Variants in ACSL1 observed in about 807,000 individuals in gnomAD.
ACSL1 encodes the protein acyl-CoA synthetase long chain family member 1.
In ACSL1, 41 loss-of-function variants were observed where a neutral mutation model predicts 98.4. The ratio of observed to expected loss-of-function variants is 0.42; its 90% CI spans 0.32 to 0.54. ACSL1 has a LOEUF of 0.54. Among genes scored for constraint, ACSL1 ranks in the 20% least tolerant of loss-of-function variants. The probability of loss-of-function intolerance (pLI) is 0.13; values close to 1 mark genes in which losing one functional copy is unlikely to be tolerated. For synonymous variants in ACSL1, 316 were observed against 322.7 expected, an observed-to-expected ratio of 0.98 and a Z score of 0.22; for missense variants, 734 against 883.1, an observed-to-expected ratio of 0.83 and a Z score of 2.14.
intron 7 of ACSL1, among the ~76,000 whole-genome samples, chr4:184,775,603 T>G (rs1440176747): frequency 6.6e-6 from 1 of 152,142 alleles, no homozygotes; most frequent in Non-Finnish European, 1.5e-5. Flanking sequence ...GGCGCACACA[T>G]GCACAAGAGA....
At chr4:184,809,026 T>C (rs1771767422) in intron 1 of ACSL1, among the ~76,000 whole-genome samples, 1 of 152,252 alleles carries the variant, frequency 6.6e-6, no homozygotes, top group Non-Finnish European at 1.5e-5. Flanking sequence ...CACTGCCTTG[T>C]GGCTTTTTCT....
chr4:184,796,370 G>A (rs1235421874), intron 2 of ACSL1, among the ~76,000 whole-genome samples: 1 of 152,092 alleles, frequency 6.6e-6, no homozygotes, highest in African/African-American at 2.4e-5. Flanking sequence ...TGTCCCTCTA[G>A]AGAACCCTGA....
chr4:184,825,969 G>A (rs1281272802), upstream of ACSL1: 3 of 148,496 alleles, frequency 2.0e-5, no homozygotes, highest in African/African-American at 7.3e-5. This position sits in a 1 kb window ranked among gnomAD's most constrained non-coding sequence, Gnocchi z 4.7. Flanking sequence ...CCCACTCCCT[G>A]CCCCGCGCCG....
At chr4:184,819,618 C>A (rs552250774) in intron 1 of ACSL1, among the ~76,000 whole-genome samples, 5 of 152,070 alleles carry the variant, frequency 3.3e-5, no homozygotes, top group East Asian at 1.9e-4. Flanking sequence ...GACCCATTAA[C>A]CCCATGCCGC....
upstream of ACSL1, chr4:184,826,248 A>G (rs1201236797): frequency 6.6e-6 from 1 of 151,176 alleles, no homozygotes; most frequent in Admixed American, 6.6e-5. Flanking sequence ...AGTCGCCCAG[A>G]CTGCCTCGGA....
rs142664372 is a variant in ACSL1 at position 184,811,333 on chromosome 4, C to G, written c.-32-7787G>C. Reference sequence around the variant, plus strand: ...TTCACCGTGTTGGCCAGGATGGTCTCGATCTCCCGACTTTGTGATCTGCCC... The same window carrying G: ...TTCACCGTGTTGGCCAGGATGGTCTGGATCTCCCGACTTTGTGATCTGCCC... On this transcript the variant is annotated intron_variant, in intron 1 of 20. Coordinates refer to ENST00000281455, the MANE Select transcript of ACSL1 (RefSeq NM_001995.5). Among the ~76,000 whole-genome samples the G allele has an allele frequency of 7.2e-5, 11 of 151,864 alleles. No homozygotes were observed. In the South Asian group the frequency reaches 8.3e-4, roughly 11 times the overall value.
At chr4:184,770,001 C>T (rs902335631) in intron 11 of ACSL1, among the ~76,000 whole-genome samples, 2 of 152,136 alleles carry the variant, frequency 1.3e-5, no homozygotes, top group African/African-American at 2.4e-5. Context: ...TCTCACAGAA[C>T]GGAAGCCTCG....
chr4:184,786,422 A>ACACACACACACACACACG (rs1767326045), intron 3 of ACSL1, among the ~76,000 whole-genome samples: 3 of 68,134 alleles, frequency 4.4e-5, no homozygotes, highest in Admixed American at 1.9e-4. Context: ...GGCAAAGCAC[A>ACACACACACACACACACG]CACACACACA....
intron 1 of ACSL1, chr4:184,815,135 G>C (rs1373619195): frequency 4.4e-6 from 2 of 456,014 alleles, no homozygotes; most frequent in East Asian, 1.4e-4. Flanking sequence ...AGGGGAGGGA[G>C]AAAACAGTAC....
At chr4:184,776,722 C>CA (rs781155331) in intron 6 of ACSL1, 60 bp from the exon 7 acceptor site, 29 of 1,556,804 alleles carry the variant, frequency 1.9e-5, no homozygotes, top group Non-Finnish European at 2.4e-5. Flanking sequence ...TTCACTCTGT[C>CA]ATATCCAGCA....
intron 15 of ACSL1, among the ~76,000 whole-genome samples, chr4:184,764,517 G>A (rs985062917): frequency 1.7e-4 from 26 of 152,198 alleles, no homozygotes; most frequent in African/African-American, 6.0e-4. Flanking sequence ...AGCAAATAAC[G>A]AGACCCTACT....
At position 184,825,107 on chromosome 4, in the gene ACSL1, C is replaced by T. The variant is rs921764696; in HGVS notation, c.-33+809G>A. Reference sequence around the variant, plus strand: ...TTTAGAATGGTCACTCTTAATTATGCTCCATAACCTTGAAATTGGACTGAG... The same window carrying T: ...TTTAGAATGGTCACTCTTAATTATGTTCCATAACCTTGAAATTGGACTGAG... On this transcript the variant is annotated intron_variant, in intron 1 of 20. Coordinates refer to ENST00000281455, the MANE Select transcript of ACSL1 (RefSeq NM_001995.5). This position sits in a 1 kb window ranked among gnomAD's most constrained non-coding sequence, Gnocchi z 4.7. The T allele has an allele frequency of 3.3e-6, 3 of 904,806 alleles. No homozygotes were observed. In the East Asian group the frequency reaches 3.6e-4, roughly 107 times the overall value. The allele number at this position is 904,806 out of a possible 1,614,324, so 56.0% of individuals were successfully genotyped here.
rs2150442383 is a variant in ACSL1 at position 184,803,127 on chromosome 4, C to T, written c.195+193G>A. ...GAGAGGTAGACACCCAACCGACACC[C>T]TCTCATCTGTCCCTGTGCCTATATT... On this transcript the variant is annotated intron_variant, in intron 2 of 20. Transcript: ENST00000281455. The surrounding 1 kb of genome is among the most constrained non-coding windows in gnomAD (Gnocchi z 4.8). 6.6e-6 allele frequency among the ~76,000 whole-genome samples: 1 copy of T among 152,356 alleles called. No homozygotes were observed. The highest frequency in any genetic ancestry group is 3.4e-3 in the Middle Eastern group (1 of 294).
chr4:184,778,421 TG>T (rs1377692313), intron 5 of ACSL1, among the ~76,000 whole-genome samples: 4 of 152,200 alleles, frequency 2.6e-5, no homozygotes, highest in Non-Finnish European at 5.9e-5. Flanking sequence ...TGAGGAAGGC[TG>T]TCTTTCCTGC....
At chr4:184,790,398 T>C (rs187104884) in intron 2 of ACSL1, among the ~76,000 whole-genome samples, 2 of 152,350 alleles carry the variant, frequency 1.3e-5, no homozygotes, top group East Asian at 3.9e-4. Context: ...TTATAGACAT[T>C]CTGTCAATAT....
intron 17 of ACSL1, among the ~76,000 whole-genome samples, chr4:184,760,724 G>A (rs1266981205): frequency 6.6e-6 from 1 of 152,190 alleles, no homozygotes; most frequent in Admixed American, 6.5e-5. Flanking sequence ...AGACAGAGAA[G>A]GGGTCCTAGA....
rs1765354885 is a variant in ACSL1, at chr4:184,776,764, T to TA, written c.578-103dup. On this transcript the variant is annotated intron_variant, in intron 6 of 20. Coordinates refer to ENST00000281455, the MANE Select transcript of ACSL1 (RefSeq NM_001995.5). Reference sequence around the variant, plus strand: ...TACTTGAAGTACTACATTCTTTGAATAAAAAGGTAGATATATATTTACATG... The same window carrying TA: ...TACTTGAAGTACTACATTCTTTGAATAAAAAAGGTAGATATATATTTACATG... The TA allele has an allele frequency of 3.4e-6, 5 of 1,484,470 alleles. No individual in the cohort carries two copies. In the Admixed American group the frequency reaches 1.0e-4, roughly 30 times the overall value. The allele number at this position is 1,484,470 out of a possible 1,614,324, so 92.0% of individuals were successfully genotyped here.
intron 5 of ACSL1, among the ~76,000 whole-genome samples, chr4:184,778,330 G>A (rs1222100479): frequency 6.6e-6 from 1 of 152,210 alleles, no homozygotes; most frequent in African/African-American, 2.4e-5. Flanking sequence ...CTAGGCTTCT[G>A]AGTTTCGGTT....
chr4:184,777,297 T>C (rs890158796), intron 5 of ACSL1, among the ~76,000 whole-genome samples: 1 of 152,174 alleles, frequency 6.6e-6, no homozygotes. Flanking sequence ...GGCAAAACCC[T>C]GCCTCTACAA....
Sources: allele counts gnomAD v4.1 joint callset (sites outside exome capture counted in the v4.1 genomes callset), GRCh38; gene constraint gnomAD v4.1.1; non-coding constraint Gnocchi (gnomAD v3.1); transcripts MANE v1.5; gene names NCBI Gene and HGNC (gene_info 2026-07-23, HGNC 2026-07-21).